METTL24: variants seen among roughly 807,000 people sequenced by gnomAD.
The protein encoded by METTL24 is methyltransferase like 24.
In METTL24, 29 loss-of-function variants were observed where a neutral mutation model predicts 32.7. The ratio of observed to expected loss-of-function variants is 0.89; its 90% CI spans 0.66 to 1.21. The LOEUF (loss-of-function observed/expected upper bound fraction) is 1.21. Among genes scored for constraint, METTL24 ranks in the 50% most tolerant of loss-of-function variants. The pLI is 0.00. For missense variants in METTL24, 439 were observed against 468.1 expected, an observed-to-expected ratio of 0.94 and a Z score of 0.57; for synonymous variants, 163 against 179.5, an observed-to-expected ratio of 0.91 and a Z score of 0.73.
At chr6:110,264,856 G>T (rs1770822250) in intron 4 of METTL24, among the ~76,000 whole-genome samples, 2 of 151,992 alleles carry the variant, frequency 1.3e-5, no homozygotes, top group Non-Finnish European at 2.9e-5. Context: ...ATCATTCTCA[G>T]CAAACTATTG....
At chr6:110,306,098 C>A (rs1294978579) in intron 3 of METTL24, among the ~76,000 whole-genome samples, 1 of 150,964 alleles carries the variant, frequency 6.6e-6, no homozygotes, top group African/African-American at 2.4e-5. Flanking sequence ...TAAGTGGGAG[C>A]TGAACAACAA....
intron 4 of METTL24, 58 bp from the exon 5 acceptor site, chr6:110,246,318 G>C (rs1033434134): frequency 7.7e-6 from 11 of 1,437,464 alleles, no homozygotes; most frequent in Admixed American, 4.2e-5. Context: ...TTGATATCAG[G>C]AGTTTCACAT....
rs200082806 is a variant in METTL24, at chr6:110,246,009, C to T, written c.1038G>A (p.Lys346=). The T allele has an allele frequency of 2.7e-4, 438 of 1,614,162 alleles. 1 individual carries two copies. In the African/African-American group the frequency reaches 3.8e-3, roughly 14 times the overall value. ...AGCTACTTGCATTGAAAATGTCTTT[C>T]TTCAAGAATAGCTGAGGTTTAGATA... ...KDLSKPQLFL[K]KDIFNASSCY... Residue 346 remains lysine (K), a synonymous_variant, in exon 5 of 5, where the codon AAG becomes AAA. Coordinates refer to ENST00000338882, the MANE Select transcript of METTL24 (RefSeq NM_001123364.3).
rs547439436 is a variant in METTL24 at position 110,253,357 on chromosome 6, C to T, written c.787-7097G>A. Among the ~76,000 whole-genome samples the T allele has an allele frequency of 5.9e-5, 9 of 152,242 alleles. No individual in the cohort carries two copies. The South Asian group carries it at 6.2e-4, about 11-fold the overall frequency. The stretch of plus-strand genomic sequence containing the variant: ...CCAAAACTCTGCCCCACATAAACTA[C>T]GAGAGAGCATCAAAGGATCAATTGT... On this transcript the variant is annotated intron_variant, in intron 4 of 4. Transcript: ENST00000338882.
At chr6:110,307,346 G>C (rs1333034734) in intron 3 of METTL24, among the ~76,000 whole-genome samples, 1 of 152,148 alleles carries the variant, frequency 6.6e-6, no homozygotes, top group African/African-American at 2.4e-5. Flanking sequence ...AATGTATTTA[G>C]TCTATAAGGA....
At chr6:110,251,858 A>T (rs1453939011) in intron 4 of METTL24, among the ~76,000 whole-genome samples, 5 of 152,030 alleles carry the variant, frequency 3.3e-5, no homozygotes, top group Admixed American at 3.3e-4. Context: ...ATACTGCTTC[A>T]TTGGGCCAGG....
chr6:110,286,179 C>T (rs922594176), intron 4 of METTL24, among the ~76,000 whole-genome samples: 1 of 152,154 alleles, frequency 6.6e-6, no homozygotes, highest in Non-Finnish European at 1.5e-5. Flanking sequence ...GGGGATGCTG[C>T]AGAAACTGAC....
At chr6:110,339,183 A>T (rs1582437800) in intron 1 of METTL24, among the ~76,000 whole-genome samples, 1 of 152,204 alleles carries the variant, frequency 6.6e-6, no homozygotes, top group East Asian at 1.9e-4. Flanking sequence ...ATACTGCAGT[A>T]CAAGCACTCT....
Position 110,358,185 on chromosome 6 carries a change from A to G in METTL24, c.88T>C (p.Cys30Arg), listed in dbSNP as rs1235374907. The G allele has an allele frequency of 7.0e-7, 1 of 1,419,694 alleles. No individual in the cohort carries two copies. 87.9% of individuals were successfully genotyped at this position (1,419,694 alleles called of 1,614,324 possible). The stretch of plus-strand genomic sequence containing the variant: ...GGCCCGGCGCGCCGCAGCTCTGCGC[A>G]GAGCCGCAGGCCGAACAACAGCACA... ...GAVLLFGLRL[C>R]AELRRAGPGS... Residue 30 changes from cysteine (C) to arginine (R), a missense_variant, in exon 1 of 5, where the codon TGC becomes CGC. Cys to Arg is a radical substitution (Grantham distance 180). Coordinates refer to ENST00000338882, the MANE Select transcript of METTL24 (RefSeq NM_001123364.3).
intron 4 of METTL24, among the ~76,000 whole-genome samples, chr6:110,287,985 T>C (rs954427234): frequency 6.6e-6 from 1 of 152,068 alleles, no homozygotes; most frequent in African/African-American, 2.4e-5. Flanking sequence ...TGAGAAAAAA[T>C]GTGTTCCGGT....
intron 4 of METTL24, among the ~76,000 whole-genome samples, chr6:110,275,996 T>C (rs750380637): frequency 2.0e-5 from 3 of 152,168 alleles, no homozygotes; most frequent in Non-Finnish European, 4.4e-5. Flanking sequence ...AGCCACAGCA[T>C]TCATTGTCAG....
chr6:110,350,748 A>G (rs1258239563), intron 1 of METTL24, among the ~76,000 whole-genome samples: 3 of 148,446 alleles, frequency 2.0e-5, no homozygotes, highest in African/African-American at 7.5e-5. Context: ...CAACATAGTG[A>G]GACCCTGTCT....
intron 4 of METTL24, among the ~76,000 whole-genome samples, chr6:110,282,695 C>A (rs1009731375): frequency 6.6e-6 from 1 of 150,996 alleles, no homozygotes; most frequent in African/African-American, 2.4e-5. Context: ...AATACCAAGA[C>A]CAGAGTAATT....
At chr6:110,302,439 GTATATATACACATATACACACATA>G in intron 3 of METTL24, among the ~76,000 whole-genome samples, 1 of 131,708 alleles carries the variant, frequency 7.6e-6, no homozygotes, top group African/African-American at 3.3e-5. Flanking sequence ...ACACATATGT[GTATATATACACATATACACACATA>G]TGTGTATATA....
chr6:110,340,746 G>A lies in METTL24; in HGVS notation c.318+17209C>T, dbSNP rs572078501. 1.7e-4 allele frequency among the ~76,000 whole-genome samples: 26 copies of A among 152,228 alleles called. 1 individual carries two copies. Among genetic ancestry groups the A allele is most frequent in the Admixed American group, 7.8e-4 (12 of 15,294 alleles). ...TCTGAACACCGTTCAAGTATTCACC[G>A]TCCTGGTTATCTCCACAGTACGGAG... On this transcript the variant is annotated intron_variant, in intron 1 of 4. Coordinates refer to ENST00000338882, the MANE Select transcript of METTL24 (RefSeq NM_001123364.3).
intron 4 of METTL24, among the ~76,000 whole-genome samples, chr6:110,248,512 G>T (rs979909908): frequency 1.3e-5 from 2 of 152,208 alleles, no homozygotes; most frequent in African/African-American, 2.4e-5. Context: ...AAACCAGTTT[G>T]TCCGTTCAAT....
At chr6:110,281,589 C>T (rs531737273) in intron 4 of METTL24, among the ~76,000 whole-genome samples, 13 of 151,264 alleles carry the variant, frequency 8.6e-5, no homozygotes, top group African/African-American at 3.2e-4. Flanking sequence ...GCAGAGGTTG[C>T]AGTGAGCCTA....
At chr6:110,298,152 A>G (rs903369405) in intron 4 of METTL24, among the ~76,000 whole-genome samples, 2 of 152,230 alleles carry the variant, frequency 1.3e-5, no homozygotes, top group African/African-American at 2.4e-5. Context: ...TCTAAATCAC[A>G]TGGCATCTCT....
intron 2 of METTL24, among the ~76,000 whole-genome samples, chr6:110,319,166 T>C (rs1418987056): frequency 3.3e-5 from 5 of 152,184 alleles, no homozygotes; most frequent in Non-Finnish European, 7.3e-5. Context: ...GATCTGCGTG[T>C]TTACAGAACG....
Sources: allele counts gnomAD v4.1 joint callset (sites outside exome capture counted in the v4.1 genomes callset), GRCh38; gene constraint gnomAD v4.1.1; transcripts MANE v1.5; gene names NCBI Gene and HGNC (gene_info 2026-07-23, HGNC 2026-07-21).